Variants in HPGD observed in about 807,000 individuals in gnomAD.
HPGD encodes the protein 15-hydroxyprostaglandin dehydrogenase.
In HPGD, 29 loss-of-function variants were observed where a neutral mutation model predicts 30.0. The observed-to-expected ratio is 0.97, with a 90% confidence interval of 0.72 to 1.32. The LOEUF (loss-of-function observed/expected upper bound fraction) is 1.32, where lower values mean the gene tolerates loss of function less well. Ranked by LOEUF, HPGD falls within the 40% of genes most tolerant of loss-of-function variation. The pLI is 0.00. For missense variants in HPGD, 340 were observed against 322.1 expected (o/e 1.06, Z -0.43); for synonymous variants, 99 against 112.4 (o/e 0.88, Z 0.75).
At chr4:174,511,865 C>T (rs573291978) in intron 3 of HPGD, among the ~76,000 whole-genome samples, 28 of 152,146 alleles carry the variant, frequency 1.8e-4, no homozygotes, top group Non-Finnish European at 3.2e-4. Context: ...CCAGGATGGT[C>T]TCAATCTCCT....
In HPGD at chr4:174,498,744, G is replaced by A. The variant is rs965341498; in HGVS notation, c.422-3120C>T. ...TTTTTTCTTTTTTTCCCTAATATAGGTAGATTTTAACTGGTGCTTCTTATG... is the reference window on the plus strand; with the variant it reads ...TTTTTTCTTTTTTTCCCTAATATAGATAGATTTTAACTGGTGCTTCTTATG... On this transcript the variant is annotated intron_variant, in intron 4 of 6. Coordinates refer to ENST00000296522, the MANE Select transcript of HPGD (RefSeq NM_000860.6). Among the ~76,000 whole-genome samples the A allele has an allele frequency of 2.0e-5, 3 of 151,736 alleles. No homozygotes were observed. In the East Asian group the frequency reaches 5.8e-4, roughly 29 times the overall value.
chr4:174,514,753 A>G (rs1735684692), intron 3 of HPGD, among the ~76,000 whole-genome samples: 1 of 152,160 alleles, frequency 6.6e-6, no homozygotes, highest in Admixed American at 6.5e-5. Flanking sequence ...GTATGATTCT[A>G]TACATAGAAA....
chr4:174,499,283 A>C (rs1169899466), intron 4 of HPGD, among the ~76,000 whole-genome samples: 1 of 152,214 alleles, frequency 6.6e-6, no homozygotes, highest in Non-Finnish European at 1.5e-5. Context: ...CTTGGAGAGT[A>C]GGTGACTGAG....
intron 4 of HPGD, among the ~76,000 whole-genome samples, chr4:174,497,609 C>T (rs1434141461): frequency 9.2e-5 from 5 of 54,330 alleles, no homozygotes; most frequent in African/African-American, 3.4e-4. Context: ...GACAGAGTCT[C>T]GCTCTATCAA....
rs1436452495 is a variant in HPGD, at chr4:174,495,074, G to T, written c.498+474C>A. On this transcript the variant is annotated intron_variant, in intron 5 of 6. Transcript: ENST00000296522. ...AATTAGGTCTAAAGTATTTTTCTAA[G>T]GTCTGTGCACCTTTCACCCTAGGCC... Among the ~76,000 whole-genome samples the T allele has an allele frequency of 2.6e-5, 4 of 152,210 alleles. No homozygotes were observed. In the East Asian group the frequency reaches 7.7e-4, roughly 29 times the overall value.
chr4:174,522,446 G>T lies in HPGD; in HGVS notation c.6C>A (p.His2Gln), dbSNP rs777667720. The T allele has an allele frequency of 1.9e-5, 30 of 1,576,942 alleles. No homozygotes were observed. The highest frequency in any genetic ancestry group is 2.5e-5 in the Non-Finnish European group (29 of 1,162,226). MHVNGKVALVTG... is the reference protein window; with the variant it reads MQVNGKVALVTG... ...TCACCAGCGCCACTTTGCCGTTCAC[G>T]TGCATGGTGCAGCCACTGCTGGGGC... The change falls in exon 1 of 7, where the codon CAC (histidine) becomes CAA (glutamine). Residue 2 changes from histidine (H) to glutamine (Q), a missense_variant. His to Gln is a conservative substitution (Grantham distance 24). Coordinates refer to ENST00000296522, the MANE Select transcript of HPGD (RefSeq NM_000860.6).
In HPGD at chr4:174,491,105, G is replaced by A. The variant is rs1408625103; in HGVS notation, c.*851C>T. 4 of 152,466 alleles carry A rather than the reference G, an allele frequency of 2.6e-5. No individual in the cohort carries two copies. The highest frequency in any genetic ancestry group is 3.8e-4 in the East Asian group (2 of 5,328). 9.4% of individuals were successfully genotyped at this position (152,466 alleles called of 1,614,324 possible). The stretch of plus-strand genomic sequence containing the variant: ...TCAGAATAAAAAAGTTTTATTGAAG[G>A]GTAGGCACTTTTGAAATTTGGACAA... On this transcript the variant is annotated 3_prime_UTR_variant, in exon 7 of 7. Transcript: ENST00000296522.
intron 4 of HPGD, among the ~76,000 whole-genome samples, chr4:174,498,407 A>G (rs1394967202): frequency 6.6e-6 from 1 of 152,286 alleles, no homozygotes; most frequent in East Asian, 1.9e-4. Flanking sequence ...AAGTTTTGAC[A>G]TATGTATATA....
At chr4:174,502,604 A>T (rs2555649) in intron 4 of HPGD, among the ~76,000 whole-genome samples, 89,509 of 150,626 alleles carry the variant, frequency 0.59, 27,289 homozygotes, top group African/African-American at 0.64. Context: ...CGTGAACCCG[A>T]AAGGCGGAGC....
rs1734466581 is a variant in HPGD, at chr4:174,494,007, G to T, written c.499-693C>A. On this transcript the variant is annotated intron_variant, in intron 5 of 6. Coordinates refer to ENST00000296522, the MANE Select transcript of HPGD (RefSeq NM_000860.6). This position sits in a 1 kb window ranked among gnomAD's most constrained non-coding sequence, Gnocchi z 4.9. ...CACCGATGTGCATGTTCCTGCTGAG[G>T]TCAAGTAAGACTATACTCTGTCGTG... 6.6e-6 allele frequency among the ~76,000 whole-genome samples: 1 copy of T among 152,098 alleles called. No homozygotes were observed. Among genetic ancestry groups the T allele is most frequent in the Non-Finnish European group, 1.5e-5 (1 of 68,014 alleles).
chr4:174,517,102 G>A lies in HPGD; in HGVS notation c.324+869C>T, dbSNP rs45599437. 6.3e-3 allele frequency among the ~76,000 whole-genome samples: 965 copies of A among 152,258 alleles called. 12 individuals are homozygous for A. Among genetic ancestry groups the A allele is most frequent in the African/African-American group, 0.021 (879 of 41,548 alleles). On this transcript the variant is annotated intron_variant, in intron 3 of 6. Coordinates refer to ENST00000296522, the MANE Select transcript of HPGD (RefSeq NM_000860.6). Reference sequence around the variant, plus strand: ...CAAGGTCAGGGAGACCCCAGGCACAGCCTATTTGACATTTAGTTTTAGTTA... The same window carrying A: ...CAAGGTCAGGGAGACCCCAGGCACAACCTATTTGACATTTAGTTTTAGTTA...
At position 174,502,640 on chromosome 4, in the gene HPGD, C is replaced by T. The variant is rs371297829; in HGVS notation, c.421+6056G>A. Among the ~76,000 whole-genome samples, 7 of 140,508 alleles carry T rather than the reference C, an allele frequency of 5.0e-5. No individual in the cohort carries two copies. In the South Asian group the frequency reaches 6.7e-4, roughly 13 times the overall value. The allele number at this position is 140,508 out of a possible 152,430, so 92.2% of individuals were successfully genotyped here. On this transcript the variant is annotated intron_variant, in intron 4 of 6. Transcript: ENST00000296522. ...TTGCAGTGAGCCGAGATTGCGCCAC[C>T]GCACTCCAGCCTGGGCGACAGAGCG...
intron 2 of HPGD, 151 bp downstream of exon 2, chr4:174,521,793 G>GT (rs1156962479): frequency 1.6e-5 from 14 of 855,218 alleles, no homozygotes; most frequent in African/African-American, 1.2e-4. Flanking sequence ...AGAAGGAAAC[G>GT]TATCAGTCCA....
At chr4:174,501,584 C>T (rs6419992) in intron 4 of HPGD, among the ~76,000 whole-genome samples, 108,692 of 151,910 alleles carry the variant, frequency 0.72, 39,718 homozygotes, top group East Asian at 0.82. Context: ...ATGTCTGTCA[C>T]AACTGTAAAG....
intron 3 of HPGD, 134 bp downstream of exon 3, chr4:174,517,837 C>T: frequency 8.1e-5 from 46 of 566,742 alleles, no homozygotes; most frequent in South Asian, 1.5e-4. Context: ...TGCTTTTATC[C>T]AGCTTTCTGT....
chr4:174,501,912 C>T (rs1474637965), intron 4 of HPGD, among the ~76,000 whole-genome samples: 1 of 151,980 alleles, frequency 6.6e-6, no homozygotes, highest in Non-Finnish European at 1.5e-5. Flanking sequence ...GATTTTTTTG[C>T]AAAAACAGAA....
chr4:174,493,263 C>G lies in HPGD; in HGVS notation c.550G>C (p.Gly184Arg), dbSNP rs779821559. 6 of 1,613,256 alleles carry G rather than the reference C, an allele frequency of 3.7e-6. No homozygotes were observed. The highest frequency in any genetic ancestry group is 5.1e-6 in the Non-Finnish European group (6 of 1,179,444). The change falls in exon 6 of 7, where the codon GGC becomes CGC. Residue 184 changes from glycine (G) to arginine (R), a missense_variant. Physicochemically the swap from Gly to Arg is moderately radical, Grantham distance 125. Transcript: ENST00000296522. ...SGVRLNAICP[G>R]FVNTAILESI... is the part of the protein sequence containing the mutation. Reference sequence around the variant, plus strand: ...TCAAGGATGGCTGTGTTAACAAAGCCTGGACAAATGGCATTCAGTCTCACA... The same window carrying G: ...TCAAGGATGGCTGTGTTAACAAAGCGTGGACAAATGGCATTCAGTCTCACA...
In HPGD at chr4:174,522,069, T is replaced by G. The variant is rs1248809492; in HGVS notation, c.94-2A>C. 2 of 1,614,060 alleles carry G rather than the reference T, an allele frequency of 1.2e-6. No homozygotes were observed. Among genetic ancestry groups the G allele is most frequent in the African/African-American group, 2.7e-5 (2 of 74,920 alleles). ...AAGATTCCAATCCACCAGCGCTACCTATAGACAAGAGGAGAGGAATCGCGG... is the reference window on the plus strand; with the variant it reads ...AAGATTCCAATCCACCAGCGCTACCGATAGACAAGAGGAGAGGAATCGCGG... On this transcript the variant is annotated splice_acceptor_variant, in intron 1 of 6. Transcript: ENST00000296522. LOFTEE classifies it high-confidence loss of function.
chr4:174,497,928 C>A (rs1269573605), intron 4 of HPGD, among the ~76,000 whole-genome samples: 3 of 147,514 alleles, frequency 2.0e-5, no homozygotes, highest in Non-Finnish European at 3.0e-5. Flanking sequence ...CCGCCCCATA[C>A]CTTCCCTCCC....
Sources: gnomAD v4.1 joint callset for allele counts (sites outside exome capture counted in the v4.1 genomes callset) on GRCh38, gnomAD v4.1.1 for gene constraint, Gnocchi (gnomAD v3.1) non-coding constraint, MANE v1.5 for transcripts, NCBI Gene and HGNC (gene_info 2026-07-23, HGNC 2026-07-21) for gene names.